Variants in LARGE1 observed in about 807,000 individuals in gnomAD.
LARGE1 encodes the protein LARGE xylosyl- and glucuronyltransferase 1.
LARGE1 carries 43 observed loss-of-function variants against 87.6 expected under a neutral mutation model. That is an observed-to-expected ratio of 0.49 (90% confidence interval 0.38 to 0.63). The LOEUF (loss-of-function observed/expected upper bound fraction) is 0.63, where lower values mean the gene tolerates loss of function less well. Ranked by LOEUF, LARGE1 falls within the 30% of genes least tolerant of loss-of-function variation. LARGE1 has a pLI of 0.00. For missense variants in LARGE1, 802 were observed against 1,000.2 expected, an observed-to-expected ratio of 0.80 and a Z score of 2.67; for synonymous variants, 434 against 394.6, an observed-to-expected ratio of 1.10 and a Z score of -1.18.
intron 6 of LARGE1, among the ~76,000 whole-genome samples, chr22:33,532,078 G>A (rs2072234780): frequency 6.6e-6 from 1 of 152,222 alleles, no homozygotes; most frequent in East Asian, 1.9e-4. Flanking sequence ...CACAGAGTGA[G>A]CATTTAATTA....
At chr22:33,290,488 G>A (rs1194639936) in intron 12 of LARGE1, among the ~76,000 whole-genome samples, 1 of 152,224 alleles carries the variant, frequency 6.6e-6, no homozygotes, top group African/African-American at 2.4e-5. Flanking sequence ...GCCAGCAATG[G>A]GAACTCCTGG....
chr22:33,146,661 C>A, the LARGE1 span, among the ~76,000 whole-genome samples: 1 of 152,086 alleles, frequency 6.6e-6, no homozygotes, highest in African/African-American at 2.4e-5. Flanking sequence ...TGCCCCCAAT[C>A]CTTGCAGACT....
intron 9 of LARGE1, among the ~76,000 whole-genome samples, chr22:33,371,093 TTA>T (rs1311208416): frequency 6.6e-6 from 1 of 151,136 alleles, no homozygotes; most frequent in Non-Finnish European, 1.5e-5. Flanking sequence ...ATAATACATA[TTA>T]TATAACATGC....
At chr22:33,511,975 T>G (rs1165464100) in intron 6 of LARGE1, among the ~76,000 whole-genome samples, 1 of 152,232 alleles carries the variant, frequency 6.6e-6, no homozygotes, top group Non-Finnish European at 1.5e-5. Context: ...ACTGTTTACT[T>G]GTAGGTTGAC....
At chr22:33,621,363 C>A (rs376684584) in intron 4 of LARGE1, among the ~76,000 whole-genome samples, 2 of 152,148 alleles carry the variant, frequency 1.3e-5, no homozygotes, top group East Asian at 3.9e-4. Flanking sequence ...CAATTGTCAG[C>A]GTTGGCATTA....
At chr22:33,271,620 A>AC (rs1928248945), downstream of LARGE1, among the ~76,000 whole-genome samples, 2 of 152,208 alleles carry the variant, frequency 1.3e-5, no homozygotes, top group African/African-American at 2.4e-5. Flanking sequence ...GGCCTGTTTT[A>AC]CCCCCCAGGG....
chr22:33,411,326 A>G (rs2066298314), intron 7 of LARGE1, among the ~76,000 whole-genome samples: 1 of 152,256 alleles, frequency 6.6e-6, no homozygotes, highest in African/African-American at 2.4e-5. Flanking sequence ...TCAACGATCC[A>G]TGGCTTCAAA....
the LARGE1 span, among the ~76,000 whole-genome samples, chr22:33,135,182 C>G: frequency 6.6e-6 from 1 of 152,168 alleles, no homozygotes; most frequent in Non-Finnish European, 1.5e-5. Flanking sequence ...ATTTCCTTTC[C>G]AGGTTGGCTC....
chr22:33,620,502 T>C (rs1030045523), intron 4 of LARGE1, among the ~76,000 whole-genome samples: 4 of 152,184 alleles, frequency 2.6e-5, no homozygotes, highest in African/African-American at 9.7e-5. Context: ...TTGTGCTATT[T>C]TCTACTGGGT....
downstream of LARGE1, among the ~76,000 whole-genome samples, chr22:33,160,303 A>G (rs1921980014): frequency 6.6e-6 from 1 of 152,200 alleles, no homozygotes; most frequent in Admixed American, 6.5e-5. Flanking sequence ...GGAAGGAGGA[A>G]GAGTTAATGA....
At chr22:33,154,503 G>C in the LARGE1 span, among the ~76,000 whole-genome samples, 1 of 152,144 alleles carries the variant, frequency 6.6e-6, no homozygotes, top group East Asian at 1.9e-4. Flanking sequence ...GCCTCCTAAA[G>C]TGTTAGGATT....
chr22:33,442,423 C>G (rs546654193), intron 6 of LARGE1, among the ~76,000 whole-genome samples: 3 of 152,346 alleles, frequency 2.0e-5, no homozygotes, highest in Admixed American at 6.5e-5. Context: ...GATGCAGCTA[C>G]TCGCAGGCTG....
the LARGE1 span, among the ~76,000 whole-genome samples, chr22:33,096,875 A>G: frequency 3.3e-5 from 5 of 152,234 alleles, no homozygotes; most frequent in East Asian, 9.7e-4. Context: ...GATCTGGAGC[A>G]TTTTTAAAGT....
chr22:33,082,037 T>C, the LARGE1 span, among the ~76,000 whole-genome samples: 1 of 152,278 alleles, frequency 6.6e-6, no homozygotes, highest in South Asian at 2.1e-4. Flanking sequence ...TTATTATTAT[T>C]AGGTGTAGGG....
intron 6 of LARGE1, among the ~76,000 whole-genome samples, chr22:33,556,009 C>T (rs1222695245): frequency 6.6e-6 from 1 of 151,854 alleles, no homozygotes; most frequent in African/African-American, 2.4e-5. Context: ...CTCTCTGGAT[C>T]TCAGGGCTTC....
intron 12 of LARGE1, among the ~76,000 whole-genome samples, chr22:33,295,351 TGTGTGTACATGC>T (rs1440941565): frequency 6.6e-6 from 1 of 152,218 alleles, no homozygotes; most frequent in Non-Finnish European, 1.5e-5. Flanking sequence ...GGCACACATG[TGTGTGTACATGC>T]GTGTGGGTGC....
At chr22:33,716,439 GTC>G (rs2082909817) in intron 2 of LARGE1, among the ~76,000 whole-genome samples, 1 of 152,094 alleles carries the variant, frequency 6.6e-6, no homozygotes, top group African/African-American at 2.4e-5. Context: ...ATCTCAGTCT[GTC>G]ACCCAAGCTC....
chr22:33,772,344 G>A (rs79164255), intron 1 of LARGE1, among the ~76,000 whole-genome samples: 1 of 151,828 alleles, frequency 6.6e-6, no homozygotes, highest in East Asian at 1.9e-4. Flanking sequence ...AAAAAAAAAG[G>A]AGATTACTCA....
intron 6 of LARGE1, among the ~76,000 whole-genome samples, chr22:33,554,835 C>A (rs2077628309): frequency 6.6e-6 from 1 of 152,220 alleles, no homozygotes; most frequent in South Asian, 2.1e-4. Context: ...CCACTCACTT[C>A]ACCAAGAAAC....
Sources: allele counts gnomAD v4.1 joint callset (sites outside exome capture counted in the v4.1 genomes callset), GRCh38; gene constraint gnomAD v4.1.1; transcripts MANE v1.5; gene names NCBI Gene and HGNC (gene_info 2026-07-23, HGNC 2026-07-21).